The following OR2H1 variants were observed in gnomAD, a reference collection of about 807,000 sequenced individuals.
The protein encoded by OR2H1 is olfactory receptor family 2 subfamily H member 1.
For synonymous variants in OR2H1, 155 were observed against 155.2 expected, an observed-to-expected ratio of 1.00 and a Z score of 0.01; for missense variants, 380 against 367.3, an observed-to-expected ratio of 1.03 and a Z score of -0.28.
rs1787492756 is a variant in OR2H1 at position 29,462,849 on chromosome 6, G to T, written c.*129G>T. On this transcript the variant is annotated 3_prime_UTR_variant, in exon 4 of 4. Coordinates refer to ENST00000377133, the MANE Select transcript of OR2H1 (RefSeq NM_030883.5). ...CAGTGTGGCTATGTTATCTATGAGA[G>T]GGAGAATGAGAAAGAGAGGGACAGA... The T allele has an allele frequency of 1.5e-6, 1 of 666,442 alleles. No homozygotes were observed. Among genetic ancestry groups the T allele is most frequent in the African/African-American group, 1.8e-5 (1 of 54,772 alleles). The allele number at this position is 666,442 out of a possible 1,614,324, so 41.3% of individuals were successfully genotyped here. A position where few individuals can be genotyped will look rare whatever the true frequency, so the allele number is the denominator to read the frequency against.
Position 29,461,832 on chromosome 6 carries a change from GGA to G in OR2H1, c.64_65del (p.Glu22LysfsTer41). On this transcript the variant is annotated frameshift_variant, in exon 4 of 4. Coordinates refer to ENST00000377133, the MANE Select transcript of OR2H1 (RefSeq NM_030883.5). LOFTEE classifies it low-confidence loss of function (END_TRUNC). ...TGGGCTTCTCTGAACACCCAGCACT[GGA>G]AAGGACTCTCTTTGTGGTTGTCTTC... ...LLGFSEHPAL[E>X]RTLFVVVFTS... 1 of 1,613,050 alleles carries G rather than the reference GGA, an allele frequency of 6.2e-7. No individual in the cohort carries two copies. The highest frequency in any genetic ancestry group is 8.5e-7 in the Non-Finnish European group (1 of 1,180,028).
rs140963208 is a variant in OR2H1, at chr6:29,462,557, C to T, written c.788C>T (p.Pro263Leu). The T allele has an allele frequency of 1.1e-3, 1,782 of 1,613,008 alleles. 35 individuals are homozygous for T. In the South Asian group the frequency reaches 0.012, roughly 10 times the overall value. Reference protein sequence around the residue: ...VIAVYLQPKNPYAQGRGKFFG... With the variant: ...VIAVYLQPKNLYAQGRGKFFG... ...GCTGTCTACCTCCAGCCCAAAAATC[C>T]GTATGCCCAAGGGAGGGGCAAGTTC... Residue 263 changes from proline to leucine, a missense_variant, in exon 4 of 4, where the codon CCG becomes CTG. Physicochemically the swap from Pro to Leu is moderately conservative, Grantham distance 98. Coordinates refer to ENST00000377133, the MANE Select transcript of OR2H1 (RefSeq NM_030883.5).
rs1416927752 is a variant in OR2H1 at position 29,462,004 on chromosome 6, A to G, written c.235A>G (p.Met79Val). The part of the protein sequence containing the change: ...LCFTTSCVPQ[M>V]LVNLWGPKKT... ...CTTTACCACAAGTTGTGTCCCCCAG[A>G]TGCTGGTCAACCTCTGGGGCCCAAA... Residue 79 changes from methionine (M) to valine (V), a missense_variant, in exon 4 of 4, where the codon ATG becomes GTG. Coordinates refer to ENST00000377133, the MANE Select transcript of OR2H1 (RefSeq NM_030883.5). 1 of 1,613,230 alleles carries G rather than the reference A, an allele frequency of 6.2e-7. No individual in the cohort carries two copies.
In OR2H1 at chr6:29,462,600, A is replaced by C. The variant is rs772065704; in HGVS notation, c.831A>C (p.Ala277=). The C allele has an allele frequency of 2.5e-6, 4 of 1,613,054 alleles. No homozygotes were observed. The Middle Eastern group carries it at 5.0e-4, about 200-fold the overall frequency. Residue 277 remains alanine (A), a synonymous_variant, in exon 4 of 4, where the codon GCA becomes GCC. Transcript: ENST00000377133. Reference sequence around the variant, plus strand: ...GCAAGTTCTTTGGTCTCTTCTATGCAGTGGGCACTCCTTCACTTAACCCTC... The same window carrying C: ...GCAAGTTCTTTGGTCTCTTCTATGCCGTGGGCACTCCTTCACTTAACCCTC... ...GRGKFFGLFY[A]VGTPSLNPLV...
At chr6:29,458,313 A>T (rs770605841) in intron 1 of OR2H1, 141 bp from the exon 2 acceptor site, 5 of 152,266 alleles carry the variant, frequency 3.3e-5, no homozygotes, top group African/African-American at 7.2e-5. Flanking sequence ...AGGTAATAAT[A>T]GTACCCACCT....
At position 29,463,365 on chromosome 6, in the gene OR2H1, A is replaced by G. The variant is rs912358279; in HGVS notation, c.*645A>G. 10 of 167,730 alleles carry G rather than the reference A, an allele frequency of 6.0e-5. No homozygotes were observed. The highest frequency in any genetic ancestry group is 1.3e-4 in the Non-Finnish European group (9 of 68,628). The allele number at this position is 167,730 out of a possible 1,614,324, so 10.4% of individuals were successfully genotyped here. ...CTTTAGGATATAGCTGAAGAATATA[A>G]TGAGGAATAGCTGGATTCTAGAACT... On this transcript the variant is annotated 3_prime_UTR_variant, in exon 4 of 4. Coordinates refer to ENST00000377133, the MANE Select transcript of OR2H1 (RefSeq NM_030883.5).
Position 29,462,622 on chromosome 6 carries a change from C to T in OR2H1, c.853C>T (p.Pro285Ser), listed in dbSNP as rs1256591948. Residue 285 changes from proline to serine, a missense_variant, in exon 4 of 4, where the codon CCT (proline) becomes TCT (serine). Coordinates refer to ENST00000377133, the MANE Select transcript of OR2H1 (RefSeq NM_030883.5). ...TGCAGTGGGCACTCCTTCACTTAAC[C>T]CTCTCGTATACACCCTGAGGAACAA... is the stretch of plus-strand genomic sequence containing the variant. Reference protein sequence around the residue: ...FYAVGTPSLNPLVYTLRNKEI... With the variant: ...FYAVGTPSLNSLVYTLRNKEI... The T allele has an allele frequency of 1.2e-6, 2 of 1,613,050 alleles. No individual in the cohort carries two copies. The highest frequency in any genetic ancestry group is 1.7e-5 in the Admixed American group (1 of 60,020).
chr6:29,462,281 A>G lies in OR2H1; in HGVS notation c.512A>G (p.Gln171Arg), dbSNP rs1787382795. 6.2e-7 allele frequency: 1 copy of G among 1,613,286 alleles called. No individual in the cohort carries two copies. The highest frequency in any genetic ancestry group is 8.5e-7 in the Non-Finnish European group (1 of 1,180,034). ...CACTTGCCCTTCTGTCCCCACCAGC[A>G]GATAGATGACTTTTTATGTGAGGTC... ...TLHLPFCPHQ[Q>R]IDDFLCEVPS... The change falls in exon 4 of 4, where the codon CAG becomes CGG. Residue 171 changes from glutamine (Q) to arginine (R), a missense_variant. Physicochemically the swap from Gln to Arg is conservative, Grantham distance 43. Coordinates refer to ENST00000377133, the MANE Select transcript of OR2H1 (RefSeq NM_030883.5).
Position 29,460,427 on chromosome 6 carries a change from C to G in OR2H1, c.-303C>G, listed in dbSNP as rs1457886534. On this transcript the variant is annotated 5_prime_UTR_variant, in exon 3 of 4. Coordinates refer to ENST00000377133, the MANE Select transcript of OR2H1 (RefSeq NM_030883.5). ...AGAGACGAGGTTTCACCATGTTGAC[C>G]AGGCTGATCTCAAACATCTGACCTC... 7.2e-6 allele frequency: 1 copy of G among 139,586 alleles called. No individual in the cohort carries two copies. The highest frequency in any genetic ancestry group is 2.7e-5 in the African/African-American group (1 of 36,372). 8.6% of individuals were successfully genotyped at this position (139,586 alleles called of 1,614,324 possible).
intron 2 of OR2H1, among the ~76,000 whole-genome samples, chr6:29,459,212 G>A (rs6903755): frequency 0.035 from 5,348 of 152,172 alleles, 220 homozygotes; most frequent in African/African-American, 0.1. Flanking sequence ...AAAGATATGA[G>A]GCTGCAAAGT....
At position 29,461,782 on chromosome 6, in the gene OR2H1, AG is replaced by A. The variant is rs777090724; in HGVS notation, c.14del (p.Ser5ThrfsTer31). On this transcript the variant is annotated frameshift_variant, in exon 4 of 4. Coordinates refer to ENST00000377133, the MANE Select transcript of OR2H1 (RefSeq NM_030883.5). LOFTEE classifies it low-confidence loss of function (END_TRUNC). The part of the protein sequence containing the change: MVNQ[S>X]SPMGFLLLGF... ...ACAAGAACAGGCCATGGTTAACCAA[AG>A]CTCCCCCATGGGCTTCCTCCTTCTG... 50 of 1,612,336 alleles carry A rather than the reference AG, an allele frequency of 3.1e-5. 1 individual carries two copies. The highest frequency in any genetic ancestry group is 3.3e-4 in the Middle Eastern group (2 of 6,052).
At position 29,461,810 on chromosome 6, in the gene OR2H1, G is replaced by T. The variant is rs201730580; in HGVS notation, c.41G>T (p.Gly14Val). Residue 14 changes from glycine to valine, a missense_variant, in exon 4 of 4, where the codon GGC becomes GTC. Coordinates refer to ENST00000377133, the MANE Select transcript of OR2H1 (RefSeq NM_030883.5). ...TCCCCCATGGGCTTCCTCCTTCTGG[G>T]CTTCTCTGAACACCCAGCACTGGAA... ...QSSPMGFLLL[G>V]FSEHPALERT... The T allele has an allele frequency of 6.1e-5, 99 of 1,612,866 alleles. No individual in the cohort carries two copies. Among genetic ancestry groups the T allele is most frequent in the Non-Finnish European group, 1.4e-5 (16 of 1,180,014 alleles).
intron 3 of OR2H1, chr6:29,460,938 CTTAT>C (rs1414633838): frequency 5.9e-5 from 9 of 152,170 alleles, no homozygotes; most frequent in Admixed American, 5.2e-4. Context: ...TTGACATAAT[CTTAT>C]TTGAGAGGCA....
At chr6:29,457,599 T>G (rs944704655) in intron 1 of OR2H1, among the ~76,000 whole-genome samples, 1 of 152,210 alleles carries the variant, frequency 6.6e-6, no homozygotes, top group Non-Finnish European at 1.5e-5. Flanking sequence ...ATATCTTCAG[T>G]AGGGTAATGG....
At position 29,462,323 on chromosome 6, in the gene OR2H1, T is replaced by G; in HGVS notation, c.554T>G (p.Leu185Arg). 2 of 1,613,130 alleles carry G rather than the reference T, an allele frequency of 1.2e-6. No individual in the cohort carries two copies. The highest frequency in any genetic ancestry group is 1.7e-6 in the Non-Finnish European group (2 of 1,180,032). Residue 185 changes from leucine (L) to arginine (R), a missense_variant, in exon 4 of 4, where the codon CTC (leucine) becomes CGC (arginine). Transcript: ENST00000377133. ...TGTGAGGTCCCATCTCTGATTCGAC[T>G]CTCCTGTGGAGATACCTCCTACAAT... ...FLCEVPSLIR[L>R]SCGDTSYNEI...
Position 29,461,954 on chromosome 6 carries a change from C to G in OR2H1, c.185C>G (p.Ser62Cys), listed in dbSNP as rs759642201. ...CACTCTCCAATGTACTTTTTCCTCT[C>G]TGACCTCTCCTTCTTGGACCTCTGC... Reference protein sequence around the residue: ...RLHSPMYFFLSDLSFLDLCFT... With the variant: ...RLHSPMYFFLCDLSFLDLCFT... The change falls in exon 4 of 4, where the codon TCT becomes TGT. Residue 62 changes from serine (S) to cysteine (C), a missense_variant. Transcript: ENST00000377133. 1 of 1,613,118 alleles carries G rather than the reference C, an allele frequency of 6.2e-7. No individual in the cohort carries two copies. Among genetic ancestry groups the G allele is most frequent in the South Asian group, 1.1e-5 (1 of 91,074 alleles).
Position 29,462,200 on chromosome 6 carries a change from C to A in OR2H1, c.431C>A (p.Ser144Tyr). The change falls in exon 4 of 4, where the codon TCT becomes TAT. Residue 144 changes from serine to tyrosine, a missense_variant. Ser to Tyr is a moderately radical substitution (Grantham distance 144). Transcript: ENST00000377133. Reference sequence around the variant, plus strand: ...CCCCGCCTGTGCTGGCAGCTGGCATCTGTGGCCTGGGTTATGAGTCTGGTT... The same window carrying A: ...CCCCGCCTGTGCTGGCAGCTGGCATATGTGGCCTGGGTTATGAGTCTGGTT... ...IHPRLCWQLA[S>Y]VAWVMSLVQS... 6.2e-7 allele frequency: 1 copy of A among 1,613,504 alleles called. No individual in the cohort carries two copies. The highest frequency in any genetic ancestry group is 8.5e-7 in the Non-Finnish European group (1 of 1,180,028).
rs762946460 is a variant in OR2H1, at chr6:29,462,252, C to T, written c.483C>T (p.Thr161=). 113 of 1,613,256 alleles carry T rather than the reference C, an allele frequency of 7.0e-5. No homozygotes were observed. The highest frequency in any genetic ancestry group is 1.6e-4 in the Middle Eastern group (1 of 6,084). The stretch of plus-strand genomic sequence containing the variant: ...AATCGATAGTCCAGACACCATCCAC[C>T]CTCCACTTGCCCTTCTGTCCCCACC... The part of the protein sequence containing the change: ...LVQSIVQTPS[T]LHLPFCPHQQ... Residue 161 remains threonine, a synonymous_variant, in exon 4 of 4, where the codon ACC becomes ACT. Transcript: ENST00000377133.
At position 29,461,802 on chromosome 6, in the gene OR2H1, C is replaced by T. The variant is rs1787291436; in HGVS notation, c.33C>T (p.Leu11=). The T allele has an allele frequency of 5.6e-6, 9 of 1,613,010 alleles. No homozygotes were observed. Among genetic ancestry groups the T allele is most frequent in the African/African-American group, 1.3e-5 (1 of 75,038 alleles). Residue 11 remains leucine, a synonymous_variant, in exon 4 of 4, where the codon CTC becomes CTT. Transcript: ENST00000377133. ...ACCAAAGCTCCCCCATGGGCTTCCTCCTTCTGGGCTTCTCTGAACACCCAG... is the reference window on the plus strand; with the variant it reads ...ACCAAAGCTCCCCCATGGGCTTCCTTCTTCTGGGCTTCTCTGAACACCCAG... MVNQSSPMGF[L]LLGFSEHPAL...
Sources: allele counts gnomAD v4.1 joint callset (sites outside exome capture counted in the v4.1 genomes callset), GRCh38; gene constraint gnomAD v4.1.1; transcripts MANE v1.5; gene names NCBI Gene and HGNC (gene_info 2026-07-23, HGNC 2026-07-21).